The following PHTF2 variants were observed in gnomAD, a reference collection of about 807,000 sequenced individuals.
PHTF2 encodes the protein protein PHTF2.
In PHTF2, 60 loss-of-function variants were observed where a neutral mutation model predicts 101.2. The observed-to-expected ratio is 0.59, with a 90% confidence interval of 0.48 to 0.73. The LOEUF (loss-of-function observed/expected upper bound fraction) is 0.73. PHTF2 is among the 30% of genes least tolerant of loss of function. The probability of loss-of-function intolerance (pLI) is 0.00; values close to 1 mark genes in which losing one functional copy is unlikely to be tolerated. For missense variants in PHTF2, 747 were observed against 908.7 expected, an observed-to-expected ratio of 0.82 and a Z score of 2.29; for synonymous variants, 311 against 307.3, an observed-to-expected ratio of 1.01 and a Z score of -0.13.
chr7:77,932,976 C>T (rs1804744369), intron 12 of PHTF2, among the ~76,000 whole-genome samples: 1 of 152,106 alleles, frequency 6.6e-6, no homozygotes, highest in African/African-American at 2.4e-5. Flanking sequence ...ATAGTTGCCA[C>T]GCCTGTAATC....
chr7:77,920,733 G>A (rs1803376022), intron 10 of PHTF2, among the ~76,000 whole-genome samples: 1 of 152,158 alleles, frequency 6.6e-6, no homozygotes, highest in Non-Finnish European at 1.5e-5. Context: ...CCAGGCTGGA[G>A]TGAGGTGGTG....
At chr7:77,863,111 T>C (rs116967993) in intron 3 of PHTF2, among the ~76,000 whole-genome samples, 1,857 of 152,318 alleles carry the variant, frequency 0.012, 15 homozygotes, top group Middle Eastern at 0.031. Context: ...TCAATATCCT[T>C]ATTGGCATAT....
chr7:77,840,192 T>G, intron 1 of PHTF2, 29 bp from the exon 2 acceptor site: 1 of 1,173,812 alleles, frequency 8.5e-7, no homozygotes, highest in Non-Finnish European at 1.3e-6. Flanking sequence ...GGAAATAAAG[T>G]CATTTGTATG....
At chr7:77,810,861 G>A (rs1411312713) in intron 1 of PHTF2, among the ~76,000 whole-genome samples, 1 of 151,798 alleles carries the variant, frequency 6.6e-6, no homozygotes, top group African/African-American at 2.4e-5. Context: ...TTTGAGATTG[G>A]TTGATTTTTT....
chr7:77,868,783 A>G (rs1408913180), intron 3 of PHTF2, among the ~76,000 whole-genome samples: 2 of 152,198 alleles, frequency 1.3e-5, no homozygotes, highest in African/African-American at 4.8e-5. Context: ...TTTAAAAACT[A>G]TCTGGCCTTG....
intron 3 of PHTF2, among the ~76,000 whole-genome samples, chr7:77,862,072 G>A (rs10272350): frequency 0.56 from 82,566 of 146,166 alleles, 24,666 homozygotes; most frequent in African/African-American, 0.8. Context: ...AAAAAAAAAA[G>A]AAGGAAAAAT....
intron 12 of PHTF2, among the ~76,000 whole-genome samples, chr7:77,936,527 A>G (rs906131194): frequency 6.6e-6 from 1 of 151,764 alleles, no homozygotes; most frequent in Non-Finnish European, 1.5e-5. Context: ...TTTAAAGATT[A>G]GCTGGGCGTG....
intron 18 of PHTF2, among the ~76,000 whole-genome samples, chr7:77,953,356 G>A (rs576396585): frequency 2.0e-5 from 3 of 152,290 alleles, no homozygotes; most frequent in East Asian, 3.9e-4. Context: ...ATTAATACAT[G>A]TATTTGAAAA....
intron 3 of PHTF2, among the ~76,000 whole-genome samples, chr7:77,877,814 G>A (rs1355355370): frequency 6.6e-6 from 1 of 152,132 alleles, no homozygotes; most frequent in Non-Finnish European, 1.5e-5. Context: ...TTCTCTCTTA[G>A]GATCTGTAGT....
chr7:77,844,421 C>G (rs979811478), intron 2 of PHTF2, among the ~76,000 whole-genome samples: 1 of 152,186 alleles, frequency 6.6e-6, no homozygotes, highest in Admixed American at 6.5e-5. Flanking sequence ...GCTCTAATAT[C>G]AGATGTGAAA....
intron 1 of PHTF2, among the ~76,000 whole-genome samples, chr7:77,838,301 A>G (rs1795622976): frequency 6.6e-6 from 1 of 152,182 alleles, no homozygotes; most frequent in Non-Finnish European, 1.5e-5. Flanking sequence ...AGAGAAATGA[A>G]GATAGCCACA....
chr7:77,800,999 T>G (rs1792497203), intron 1 of PHTF2, among the ~76,000 whole-genome samples: 1 of 152,208 alleles, frequency 6.6e-6, no homozygotes, highest in Admixed American at 6.5e-5. Context: ...AGGAGACTAC[T>G]CAGTGGAAAA....
chr7:77,826,521 C>T (rs1794708010), intron 1 of PHTF2, among the ~76,000 whole-genome samples: 1 of 152,060 alleles, frequency 6.6e-6, no homozygotes, highest in Non-Finnish European at 1.5e-5. Context: ...ATGTCACTGT[C>T]CATGGTGGCT....
At chr7:77,907,194 G>A (rs1256283717) in intron 7 of PHTF2, among the ~76,000 whole-genome samples, 1 of 152,056 alleles carries the variant, frequency 6.6e-6, no homozygotes, top group Non-Finnish European at 1.5e-5. Context: ...ATTCCAGACT[G>A]TTATGGAATA....
At chr7:77,800,269 C>T (rs940160435) in intron 1 of PHTF2, among the ~76,000 whole-genome samples, 2 of 152,158 alleles carry the variant, frequency 1.3e-5, no homozygotes, top group South Asian at 4.1e-4. Context: ...GTAGTGGCTC[C>T]ACCTCCATAA....
chr7:77,905,131 C>G (rs180735127), intron 7 of PHTF2, among the ~76,000 whole-genome samples: 1 of 152,138 alleles, frequency 6.6e-6, no homozygotes, highest in Non-Finnish European at 1.5e-5. Context: ...GGATAGGGAG[C>G]GGAGACTGTG....
At chr7:77,948,429 C>G (rs946931677) in intron 16 of PHTF2, among the ~76,000 whole-genome samples, 1 of 150,702 alleles carries the variant, frequency 6.6e-6, no homozygotes, top group African/African-American at 2.5e-5. Flanking sequence ...GATTAAAGAT[C>G]TAAATATGAA....
chr7:77,924,361 A>G (rs987333615), intron 11 of PHTF2, among the ~76,000 whole-genome samples: 1 of 152,140 alleles, frequency 6.6e-6, no homozygotes, highest in Non-Finnish European at 1.5e-5. Flanking sequence ...GCCATTTATC[A>G]CTAAATAACC....
At chr7:77,806,229 T>G (rs1426240121) in intron 1 of PHTF2, among the ~76,000 whole-genome samples, 5 of 152,180 alleles carry the variant, frequency 3.3e-5, no homozygotes, top group African/African-American at 1.2e-4. Context: ...CCTTGTTGAT[T>G]TTGTCTACTC....
Sources: gnomAD v4.1 joint callset for allele counts (sites outside exome capture counted in the v4.1 genomes callset) on GRCh38, gnomAD v4.1.1 for gene constraint, MANE v1.5 for transcripts, NCBI Gene and HGNC (gene_info 2026-07-23, HGNC 2026-07-21) for gene names.